CANX: variants seen among roughly 807,000 people sequenced by gnomAD.
CANX encodes calnexin.
Under a neutral mutation model 75.7 loss-of-function variants are expected in CANX, and 14 were observed. The observed-to-expected ratio is 0.19, with a 90% CI of 0.12 to 0.29. The LOEUF (loss-of-function observed/expected upper bound fraction) is 0.29. Ranked by LOEUF, CANX falls within the 10% of genes least tolerant of loss-of-function variation. CANX has a pLI of 1.00. For synonymous variants in CANX, 227 were observed against 236.9 expected (o/e 0.96, Z 0.38); for missense variants, 567 against 713.2 (o/e 0.79, Z 2.34).
At chr5:179,701,872 T>A (rs1294831033) in intron 1 of CANX, among the ~76,000 whole-genome samples, 2 of 148,020 alleles carry the variant, frequency 1.4e-5, no homozygotes, top group Non-Finnish European at 3.0e-5. Context: ...CCCAAGTAGC[T>A]GGGACTACAG....
intron 11 of CANX, among the ~76,000 whole-genome samples, 153 bp downstream of exon 11, chr5:179,723,172 G>A (rs1022327665): frequency 2.6e-5 from 4 of 151,972 alleles, no homozygotes; most frequent in African/African-American, 9.7e-5. Flanking sequence ...GGGTTTTGGG[G>A]CATGATTTCA....
chr5:179,708,102 T>C (rs1327229003), intron 4 of CANX, 137 bp from the exon 5 acceptor site: 5 of 647,482 alleles, frequency 7.7e-6, no homozygotes, highest in Non-Finnish European at 8.3e-6. Flanking sequence ...CCTCCCTAAG[T>C]GCTGGGATTA....
At chr5:179,714,541 G>T (rs1269326547) in intron 7 of CANX, among the ~76,000 whole-genome samples, 2 of 147,374 alleles carry the variant, frequency 1.4e-5, no homozygotes, top group East Asian at 2.0e-4. Context: ...TTTTTGAGAC[G>T]GAGTCTCGCT....
chr5:179,686,266 T>G (rs896637725), intron 1 of CANX, among the ~76,000 whole-genome samples: 1 of 151,626 alleles, frequency 6.6e-6, no homozygotes, highest in African/African-American at 2.4e-5. Context: ...CCCAGCCAAT[T>G]TCTGTATTTT....
intron 1 of CANX, among the ~76,000 whole-genome samples, chr5:179,680,620 C>G (rs1204876540): frequency 6.6e-6 from 1 of 152,086 alleles, no homozygotes; most frequent in Non-Finnish European, 1.5e-5. Context: ...AAACTGTGCC[C>G]TCAGGAAGTC....
chr5:179,694,739 C>A, upstream of CANX: 4 of 645,628 alleles, frequency 6.2e-6, no homozygotes, highest in South Asian at 1.6e-5. Context: ...AAGATGAAGA[C>A]GAGGAGGAGA....
Position 179,719,746 on chromosome 5 carries a change from C to T in CANX, c.990C>T (p.Tyr330=), listed in dbSNP as rs372412186. The stretch of plus-strand genomic sequence containing the variant: ...GCTGGTTAGATGATGAGCCTGAGTA[C>T]GTACCTGATCCAGACGCAGAGAAAC... The part of the protein sequence containing the change: ...PEGWLDDEPE[Y]VPDPDAEKPE... Residue 330 remains tyrosine (Y), a synonymous_variant, in exon 9 of 15, where the codon TAC becomes TAT. Coordinates refer to ENST00000247461, the MANE Select transcript of CANX (RefSeq NM_001746.4). 31 of 1,610,496 alleles carry T rather than the reference C, an allele frequency of 1.9e-5. No homozygotes were observed. The highest frequency in any genetic ancestry group is 5.3e-5 in the African/African-American group (4 of 74,810).
At chr5:179,716,010 C>G (rs764287466) in intron 7 of CANX, 95 bp from the exon 8 acceptor site, 1 of 940,786 alleles carries the variant, frequency 1.1e-6, no homozygotes, top group South Asian at 1.3e-5. Context: ...GGTCAGACTT[C>G]TGCTGCTTCA....
intron 1 of CANX, among the ~76,000 whole-genome samples, chr5:179,703,163 T>C (rs1250036398): frequency 6.6e-6 from 1 of 152,114 alleles, no homozygotes; most frequent in Non-Finnish European, 1.5e-5. Flanking sequence ...TCTGCCTGCC[T>C]TGGACTCCCA....
At chr5:179,701,670 A>G (rs1253305667) in intron 1 of CANX, among the ~76,000 whole-genome samples, 4 of 150,092 alleles carry the variant, frequency 2.7e-5, no homozygotes, top group Non-Finnish European at 5.9e-5. Context: ...GTTAAAACCT[A>G]TACAGCTTTT....
chr5:179,723,509 C>G, intron 11 of CANX, 151 bp from the exon 12 acceptor site: 1 of 736,530 alleles, frequency 1.4e-6, no homozygotes, highest in South Asian at 2.0e-5. Context: ...TGGAGGCTTT[C>G]TCTAATTTCT....
chr5:179,716,727 T>C (rs1777978058), intron 8 of CANX, among the ~76,000 whole-genome samples: 1 of 152,108 alleles, frequency 6.6e-6, no homozygotes, highest in South Asian at 2.1e-4. Context: ...GACACCACCA[T>C]CTGCCTACAC....
intron 1 of CANX, among the ~76,000 whole-genome samples, chr5:179,682,147 G>T (rs1776079737): frequency 6.6e-6 from 1 of 151,440 alleles, no homozygotes; most frequent in African/African-American, 2.4e-5. Flanking sequence ...AGCTACTCAG[G>T]AGTCTGAGGC....
chr5:179,718,203 G>T (rs1402264714), intron 8 of CANX, among the ~76,000 whole-genome samples: 6 of 151,982 alleles, frequency 3.9e-5, no homozygotes, highest in Non-Finnish European at 7.4e-5. Context: ...TTGAGACAGA[G>T]TCTCGTTTTG....
upstream of CANX, among the ~76,000 whole-genome samples, chr5:179,696,401 G>A (rs1013884160): frequency 2.7e-5 from 4 of 147,812 alleles, no homozygotes; most frequent in African/African-American, 5.0e-5. Flanking sequence ...TCAGCCACCC[G>A]AGTATCTGGG....
intron 1 of CANX, among the ~76,000 whole-genome samples, chr5:179,685,339 A>G (rs967392157): frequency 1.3e-4 from 19 of 151,676 alleles, no homozygotes; most frequent in African/African-American, 3.9e-4. Flanking sequence ...CAGTGGTGCA[A>G]TCTTGGCTCA....
rs1483723174 is a variant in CANX, at chr5:179,693,280, C to T, written c.-3-12399C>T. 2.0e-5 allele frequency among the ~76,000 whole-genome samples: 3 copies of T among 151,964 alleles called. No homozygotes were observed. The South Asian group carries it at 6.2e-4, about 31-fold the overall frequency. On this transcript the variant is annotated intron_variant, in intron 1 of 14. Coordinates refer to the CANX transcript ENST00000681674. ...GTTGGCCAGGTGCTGTGGTTCACACCTGTAATATCAGCACTTTGGAAGGCT... is the reference window on the plus strand; with the variant it reads ...GTTGGCCAGGTGCTGTGGTTCACACTTGTAATATCAGCACTTTGGAAGGCT...
intron 7 of CANX, among the ~76,000 whole-genome samples, chr5:179,712,859 G>T (rs1034574457): frequency 6.6e-6 from 1 of 151,716 alleles, no homozygotes; most frequent in African/African-American, 2.4e-5. Flanking sequence ...GAGTAGCTGG[G>T]ATTACAGGCT....
chr5:179,711,571 C>T (rs1454290444), intron 7 of CANX, among the ~76,000 whole-genome samples: 1 of 151,766 alleles, frequency 6.6e-6, no homozygotes, highest in Non-Finnish European at 1.5e-5. Flanking sequence ...GGCGGATCAC[C>T]TGAGGTCAGG....
Sources: allele counts gnomAD v4.1 joint callset (sites outside exome capture counted in the v4.1 genomes callset), GRCh38; gene constraint gnomAD v4.1.1; transcripts MANE v1.5; gene names NCBI Gene and HGNC (gene_info 2026-07-23, HGNC 2026-07-21).